ARHGAP10: variants seen among roughly 807,000 people sequenced by gnomAD.
ARHGAP10 encodes the protein Rho GTPase activating protein 10.
A neutral mutation model predicts 108.6 loss-of-function variants in ARHGAP10; 87 were observed. The observed-to-expected ratio is 0.80, with a 90% confidence interval of 0.67 to 0.96. The LOEUF is 0.96. ARHGAP10 is among the 40% of genes least tolerant of loss of function. The probability of loss-of-function intolerance (pLI) is 0.00; values close to 1 mark genes in which losing one functional copy is unlikely to be tolerated. For synonymous variants in ARHGAP10, 347 were observed against 341.1 expected (o/e 1.02, Z -0.19); for missense variants, 939 against 954.5 (o/e 0.98, Z 0.21).
chr4:147,783,676 A>G (rs1393258491), intron 1 of ARHGAP10, among the ~76,000 whole-genome samples: 1 of 128,440 alleles, frequency 7.8e-6, no homozygotes, highest in African/African-American at 3.8e-5. Context: ...TGTGTATTGT[A>G]TAATTTATAG....
At chr4:148,008,265 G>A (rs1344953667) in intron 18 of ARHGAP10, among the ~76,000 whole-genome samples, 1 of 151,988 alleles carries the variant, frequency 6.6e-6, no homozygotes, top group Admixed American at 6.6e-5. Context: ...TGCACTTCTT[G>A]CTCAGGAAAT....
At chr4:147,956,545 C>G (rs1408552669) in intron 16 of ARHGAP10, among the ~76,000 whole-genome samples, 2 of 152,082 alleles carry the variant, frequency 1.3e-5, no homozygotes, top group African/African-American at 4.8e-5. Flanking sequence ...GGCAAAAACT[C>G]AAGTAAATGC....
intron 3 of ARHGAP10, among the ~76,000 whole-genome samples, chr4:147,824,405 G>C (rs1010334335): frequency 1.3e-5 from 2 of 152,122 alleles, no homozygotes; most frequent in African/African-American, 4.8e-5. Flanking sequence ...AAGTGTATGA[G>C]TGGGTCTAGA....
At chr4:147,805,556 T>C (rs1731748385) in intron 1 of ARHGAP10, among the ~76,000 whole-genome samples, 1 of 152,250 alleles carries the variant, frequency 6.6e-6, no homozygotes, top group Non-Finnish European at 1.5e-5. Flanking sequence ...TAAATTGCTT[T>C]GGGCAATATG....
chr4:148,066,491 G>A (rs1371859120), intron 22 of ARHGAP10, among the ~76,000 whole-genome samples: 7 of 152,320 alleles, frequency 4.6e-5, no homozygotes, highest in South Asian at 4.1e-4. Context: ...GGAGACTTAC[G>A]TTCTCCAGGT....
At chr4:147,896,352 A>C (rs1374547817) in intron 10 of ARHGAP10, among the ~76,000 whole-genome samples, 1 of 152,170 alleles carries the variant, frequency 6.6e-6, no homozygotes, top group Non-Finnish European at 1.5e-5. Flanking sequence ...TGAGAAGTTT[A>C]AAAATTTTAA....
chr4:148,034,463 C>A (rs1432422107), intron 19 of ARHGAP10, among the ~76,000 whole-genome samples: 1 of 151,862 alleles, frequency 6.6e-6, no homozygotes, highest in African/African-American at 2.4e-5. Context: ...GATTACAGGC[C>A]CCTGCCACCA....
chr4:147,954,731 A>G (rs1031813727), intron 15 of ARHGAP10, among the ~76,000 whole-genome samples: 1 of 152,070 alleles, frequency 6.6e-6, no homozygotes, highest in Non-Finnish European at 1.5e-5. Flanking sequence ...TGTTGATCAC[A>G]GGATAAAATA....
intron 18 of ARHGAP10, among the ~76,000 whole-genome samples, chr4:148,001,988 T>C (rs917195353): frequency 5.9e-5 from 9 of 152,216 alleles, no homozygotes; most frequent in African/African-American, 1.9e-4. Context: ...CCCTGTCTTG[T>C]GCCAGTTTTC....
chr4:147,879,704 C>T (rs1160658380), intron 9 of ARHGAP10, among the ~76,000 whole-genome samples: 3 of 152,112 alleles, frequency 2.0e-5, no homozygotes, highest in African/African-American at 4.8e-5. Flanking sequence ...AGCCCCCAGC[C>T]CCCTCACAGA....
rs932612174 is a variant in ARHGAP10, at chr4:147,976,473, C to A, written c.1716+9634C>A. On this transcript the variant is annotated intron_variant, in intron 18 of 22. Transcript: ENST00000336498. ...ATTTGACAAATTTTCAGACTCCCCC[C>A]CATCCCCAGTTTTCATGAATGTTGA... 2.0e-5 allele frequency among the ~76,000 whole-genome samples: 3 copies of A among 151,898 alleles called. No individual in the cohort carries two copies. The South Asian group carries it at 6.2e-4, about 32-fold the overall frequency.
At chr4:147,905,943 C>G (rs1454281252) in intron 10 of ARHGAP10, among the ~76,000 whole-genome samples, 1 of 152,108 alleles carries the variant, frequency 6.6e-6, no homozygotes, top group Non-Finnish European at 1.5e-5. Context: ...TGAAGAGGTC[C>G]TTCACGTTCC....
intron 1 of ARHGAP10, among the ~76,000 whole-genome samples, chr4:147,798,079 C>G (rs1444141298): frequency 2.0e-5 from 3 of 152,140 alleles, no homozygotes; most frequent in African/African-American, 7.2e-5. Context: ...AATAGTTCCT[C>G]CCTGTACTCT....
intron 4 of ARHGAP10, among the ~76,000 whole-genome samples, chr4:147,856,150 G>A (rs1273029951): frequency 6.6e-6 from 1 of 152,180 alleles, no homozygotes; most frequent in African/African-American, 2.4e-5. Flanking sequence ...TGTCAAGTTG[G>A]CTGACAGCTT....
At chr4:147,872,295 A>G (rs1380552497) in intron 7 of ARHGAP10, among the ~76,000 whole-genome samples, 1 of 152,136 alleles carries the variant, frequency 6.6e-6, no homozygotes, top group Non-Finnish European at 1.5e-5. Context: ...TGAGCACGTA[A>G]GCAGACATGT....
intron 13 of ARHGAP10, chr4:147,916,490 C>T (rs1278376204): frequency 3.3e-5 from 5 of 152,160 alleles, no homozygotes; most frequent in Non-Finnish European, 7.3e-5. Flanking sequence ...GCTTTGAGCA[C>T]GAAGTAATTT....
At chr4:147,989,215 T>C (rs2149634058) in intron 18 of ARHGAP10, among the ~76,000 whole-genome samples, 1 of 152,252 alleles carries the variant, frequency 6.6e-6, no homozygotes, top group East Asian at 1.9e-4. Flanking sequence ...TAGGTGTGGG[T>C]GACAGACATC....
intron 10 of ARHGAP10, among the ~76,000 whole-genome samples, chr4:147,886,765 T>A (rs952067452): frequency 3.3e-5 from 5 of 151,998 alleles, no homozygotes; most frequent in African/African-American, 1.2e-4. Context: ...CATACTGTGT[T>A]TTCTTTTTCT....
At position 148,072,274 on chromosome 4, in the gene ARHGAP10, G is replaced by A; in HGVS notation, c.*193G>A. On this transcript the variant is annotated 3_prime_UTR_variant, in exon 23 of 23. Coordinates refer to ENST00000336498, the MANE Select transcript of ARHGAP10 (RefSeq NM_024605.4). ...GGACGCACCACACAGAACTGTGATTGTGGATCAGGAGGGGAATGTCAGGAT... is the reference window on the plus strand; with the variant it reads ...GGACGCACCACACAGAACTGTGATTATGGATCAGGAGGGGAATGTCAGGAT... The A allele has an allele frequency of 2.1e-6, 1 of 476,442 alleles. No homozygotes were observed. 29.5% of individuals were successfully genotyped at this position (476,442 alleles called of 1,614,324 possible).
Sources: allele counts gnomAD v4.1 joint callset (sites outside exome capture counted in the v4.1 genomes callset), GRCh38; gene constraint gnomAD v4.1.1; transcripts MANE v1.5; gene names NCBI Gene and HGNC (gene_info 2026-07-23, HGNC 2026-07-21).